PPME1: variants seen among roughly 807,000 people sequenced by gnomAD.
PPME1 encodes testicular secretory protein Li 39.
A neutral mutation model predicts 56.9 loss-of-function variants in PPME1; 17 were observed. The ratio of observed to expected loss-of-function variants is 0.30; its 90% CI spans 0.20 to 0.45. The LOEUF is 0.45. Ranked by LOEUF, PPME1 falls within the 20% of genes least tolerant of loss-of-function variation. The probability of loss-of-function intolerance (pLI) is 1.00; values close to 1 mark genes in which losing one functional copy is unlikely to be tolerated. For missense variants in PPME1, 357 were observed against 483.2 expected, an observed-to-expected ratio of 0.74 and a Z score of 2.45; for synonymous variants, 122 against 156.2, an observed-to-expected ratio of 0.78 and a Z score of 1.63.
chr11:74,252,549 G>A, intron 13 of PPME1: 1 of 454,790 alleles, frequency 2.2e-6, no homozygotes, highest in Non-Finnish European at 4.4e-6. Flanking sequence ...GATCCTGGAA[G>A]CTCTAGAGCA....
chr11:74,242,592 A>G (rs1859389160), intron 9 of PPME1, among the ~76,000 whole-genome samples: 2 of 152,036 alleles, frequency 1.3e-5, no homozygotes, highest in Admixed American at 6.6e-5. Context: ...CTAAGAAAAC[A>G]GTCTGGGGTT....
chr11:74,226,388 G>A (rs542274979), intron 5 of PPME1, among the ~76,000 whole-genome samples: 85 of 152,290 alleles, frequency 5.6e-4, no homozygotes, highest in African/African-American at 1.9e-3. Context: ...GGCAGAGAGA[G>A]AGAGAAAGAA....
chr11:74,241,368 A>G (rs185667922), intron 9 of PPME1, among the ~76,000 whole-genome samples: 109 of 152,344 alleles, frequency 7.2e-4, no homozygotes, highest in African/African-American at 2.5e-3. Context: ...GCTATACCAC[A>G]GTTTTTAATC....
intron 7 of PPME1, among the ~76,000 whole-genome samples, chr11:74,235,476 C>G (rs1175671960): frequency 6.6e-6 from 1 of 152,118 alleles, no homozygotes. Flanking sequence ...TCTAACCAAC[C>G]TCTTTTATTT....
In PPME1 at chr11:74,251,204, A is replaced by G. The variant is rs1331723269; in HGVS notation, c.1074+186A>G. 6 of 1,437,260 alleles carry G rather than the reference A, an allele frequency of 4.2e-6. No individual in the cohort carries two copies. In the African/African-American group the frequency reaches 8.6e-5, roughly 21 times the overall value. 89.0% of individuals were successfully genotyped at this position (1,437,260 alleles called of 1,614,324 possible). A position where few individuals can be genotyped will look rare whatever the true frequency, so the allele number is the denominator to read the frequency against. ...TGCTTATGGTATTGGTTTTGTGTAT[A>G]TGTGCTGAGGAGCTACTGACACTCT... On this transcript the variant is annotated intron_variant, in intron 12 of 13. Transcript: ENST00000328257.
chr11:74,171,560 C>A lies in PPME1; in HGVS notation c.101+38C>A, dbSNP rs1310434155. 3 of 1,564,634 alleles carry A rather than the reference C, an allele frequency of 1.9e-6. No individual in the cohort carries two copies. In the Admixed American group the frequency reaches 5.7e-5, roughly 30 times the overall value. On this transcript the variant is annotated intron_variant, in intron 1 of 13. Transcript: ENST00000328257. Reference sequence around the variant, plus strand: ...TACCCCTTCTCCCTATGGGCCAGGCCCCAGCCGTTGGAGAATGGTATCTCT... The same window carrying A: ...TACCCCTTCTCCCTATGGGCCAGGCACCAGCCGTTGGAGAATGGTATCTCT...
At chr11:74,234,385 G>C (rs928451022) in intron 7 of PPME1, among the ~76,000 whole-genome samples, 1 of 152,182 alleles carries the variant, frequency 6.6e-6, no homozygotes, top group Admixed American at 6.5e-5. Flanking sequence ...ACTTGATATT[G>C]ATAGGAAAAA....
chr11:74,175,415 C>T (rs1857378493), intron 1 of PPME1, among the ~76,000 whole-genome samples: 1 of 152,056 alleles, frequency 6.6e-6, no homozygotes, highest in African/African-American at 2.4e-5. Context: ...GCAGGAGAAT[C>T]ACTTGAACCT....
chr11:74,196,590 A>G (rs1307570975), intron 1 of PPME1, among the ~76,000 whole-genome samples: 3 of 152,130 alleles, frequency 2.0e-5, no homozygotes, highest in African/African-American at 7.2e-5. Flanking sequence ...CTTGGATCTC[A>G]CTCAAGAAAG....
At chr11:74,207,628 C>T (rs1318639477) in intron 3 of PPME1, among the ~76,000 whole-genome samples, 1 of 152,144 alleles carries the variant, frequency 6.6e-6, no homozygotes, top group African/African-American at 2.4e-5. Context: ...TCAAGTTTAT[C>T]ATATATAATG....
intron 9 of PPME1, 108 bp from the exon 10 acceptor site, chr11:74,245,968 T>TTGGAAGGATTG: frequency 7.6e-7 from 1 of 1,319,090 alleles, no homozygotes; most frequent in Non-Finnish European, 1.0e-6. Flanking sequence ...AGTAGGTCCT[T>TTGGAAGGATTG]AATAAGTGCT....
chr11:74,252,879 C>A (rs1406531315), intron 13 of PPME1, among the ~76,000 whole-genome samples: 1 of 152,148 alleles, frequency 6.6e-6, no homozygotes, highest in African/African-American at 2.4e-5. Context: ...GTTGACCAAA[C>A]CAGGTGGTAT....
intron 3 of PPME1, among the ~76,000 whole-genome samples, chr11:74,215,902 G>A (rs1858627385): frequency 6.6e-6 from 1 of 152,108 alleles, no homozygotes; most frequent in South Asian, 2.1e-4. Flanking sequence ...TATAAAAAGA[G>A]GCAAAAGTCA....
intron 5 of PPME1, among the ~76,000 whole-genome samples, chr11:74,228,453 A>G (rs1014362524): frequency 2.6e-5 from 4 of 152,142 alleles, no homozygotes; most frequent in Non-Finnish European, 4.4e-5. Flanking sequence ...TGGCTTTACC[A>G]TTTATGCCTG....
intron 8 of PPME1, chr11:74,237,863 T>C (rs541855127): frequency 2.6e-5 from 4 of 152,356 alleles, no homozygotes; most frequent in African/African-American, 9.6e-5. Context: ...TGCAAGACTT[T>C]GAATAACCTG....
intron 3 of PPME1, 52 bp downstream of exon 3, chr11:74,204,497 A>G (rs1591034814): frequency 9.7e-6 from 14 of 1,445,604 alleles, no homozygotes; most frequent in African/African-American, 4.2e-5. Flanking sequence ...TGAACTAATG[A>G]AAGTATAGGG....
chr11:74,172,448 G>A (rs1252939563), intron 1 of PPME1, among the ~76,000 whole-genome samples: 2 of 152,210 alleles, frequency 1.3e-5, no homozygotes, highest in Non-Finnish European at 2.9e-5. Context: ...ATCAGTTTTT[G>A]CTGGGCTAGT....
intron 9 of PPME1, among the ~76,000 whole-genome samples, chr11:74,242,938 A>T (rs1859409745): frequency 6.7e-6 from 1 of 150,046 alleles, no homozygotes; most frequent in Admixed American, 6.6e-5. Flanking sequence ...TTCCCAAGGG[A>T]CCCACAGTGA....
intron 1 of PPME1, among the ~76,000 whole-genome samples, chr11:74,177,597 G>T (rs916642026): frequency 3.3e-5 from 5 of 152,008 alleles, no homozygotes; most frequent in South Asian, 2.1e-4. Context: ...TGTTTTGATG[G>T]GTGGTAGAGG....
Sources: allele counts gnomAD v4.1 joint callset (sites outside exome capture counted in the v4.1 genomes callset), GRCh38; gene constraint gnomAD v4.1.1; transcripts MANE v1.5; gene names NCBI Gene and HGNC (gene_info 2026-07-23, HGNC 2026-07-21).